MYO3A: variants seen among roughly 807,000 people sequenced by gnomAD.
MYO3A encodes myosin-IIIa.
A neutral mutation model predicts 192.7 loss-of-function variants in MYO3A; 180 were observed. The observed-to-expected ratio is 0.93, with a 90% CI of 0.83 to 1.06. The LOEUF is 1.06. Among genes scored for constraint, MYO3A ranks in the 50% least tolerant of loss-of-function variants. The pLI is 0.00. For synonymous variants in MYO3A, 628 were observed against 645.3 expected (o/e 0.97, Z 0.41); for missense variants, 1,896 against 1,905.0 (o/e 1.00, Z 0.09).
chr10:26,020,133 C>T (rs1842226371), intron 7 of MYO3A, among the ~76,000 whole-genome samples: 1 of 152,028 alleles, frequency 6.6e-6, no homozygotes, highest in Non-Finnish European at 1.5e-5. Context: ...GGTTAATGGT[C>T]TTCTTATTTG....
At chr10:26,110,215 C>T (rs549625847) in intron 17 of MYO3A, among the ~76,000 whole-genome samples, 2 of 152,272 alleles carry the variant, frequency 1.3e-5, no homozygotes, top group South Asian at 2.1e-4. Context: ...TTTGGATTGA[C>T]AAGTCAGGCT....
rs186496482 is a variant in MYO3A, at chr10:26,089,324, G to A, written c.1562+919G>A. Among the ~76,000 whole-genome samples, 383 of 152,174 alleles carry A rather than the reference G, an allele frequency of 2.5e-3. 3 individuals are homozygous for A. Among genetic ancestry groups the A allele is most frequent in the South Asian group, 7.3e-3 (35 of 4,816 alleles). ...TCAATTAAAAATATGGAAGGAGGCC[G>A]GGCACAGTGGCTCACACCTGTAATC... On this transcript the variant is annotated intron_variant, in intron 15 of 34. Transcript: ENST00000642920.
chr10:26,194,498 A>G (rs1843310326), intron 32 of MYO3A, among the ~76,000 whole-genome samples: 2 of 151,970 alleles, frequency 1.3e-5, no homozygotes, highest in African/African-American at 4.8e-5. Flanking sequence ...TCCACTCCCC[A>G]CTGCCACAGT....
At chr10:26,140,457 G>T (rs1169444086) in intron 20 of MYO3A, among the ~76,000 whole-genome samples, 3 of 152,200 alleles carry the variant, frequency 2.0e-5, no homozygotes, top group Non-Finnish European at 4.4e-5. Flanking sequence ...GCTGAGGCAG[G>T]TGGATCACCT....
At chr10:26,018,918 A>G (rs967701923) in intron 7 of MYO3A, among the ~76,000 whole-genome samples, 1 of 152,204 alleles carries the variant, frequency 6.6e-6, no homozygotes, top group Non-Finnish European at 1.5e-5. Flanking sequence ...CACTCTAGCA[A>G]ACAAAGTTAT....
chr10:26,188,086 GA>G (rs1177182235), intron 31 of MYO3A, among the ~76,000 whole-genome samples: 1 of 152,112 alleles, frequency 6.6e-6, no homozygotes, highest in Non-Finnish European at 1.5e-5. Flanking sequence ...CACAATGGTT[GA>G]ACTAGTTTAC....
At position 26,211,932 on chromosome 10, in the gene MYO3A, C is replaced by T; in HGVS notation, c.4820C>T (p.Ser1607Phe). 1 of 1,613,980 alleles carries T rather than the reference C, an allele frequency of 6.2e-7. No individual in the cohort carries two copies. Among genetic ancestry groups the T allele is most frequent in the Non-Finnish European group, 8.5e-7 (1 of 1,179,976 alleles). ...TTCAGGAGGCTCCTGCGCAAAACCT[C>T]CCAGCGCCGGCGCCTCGTCCAGCAG... ...YDFRRLLRKT[S>F]QRRRLVQQS The change falls in exon 35 of 35, where the codon TCC becomes TTC. Residue 1607 changes from serine (S) to phenylalanine (F), a missense_variant. Coordinates refer to ENST00000642920, the MANE Select transcript of MYO3A (RefSeq NM_017433.5).
At chr10:26,036,858 T>TG (rs1168535372) in intron 10 of MYO3A, among the ~76,000 whole-genome samples, 1 of 152,218 alleles carries the variant, frequency 6.6e-6, no homozygotes, top group Non-Finnish European at 1.5e-5. Context: ...ATTCTGTTCT[T>TG]GGGAATATAC....
At chr10:26,009,785 G>C (rs572400056) in intron 6 of MYO3A, among the ~76,000 whole-genome samples, 22 of 152,292 alleles carry the variant, frequency 1.4e-4, no homozygotes, top group Admixed American at 3.9e-4. Flanking sequence ...TGTAAAACAA[G>C]TATTTTGGAC....
chr10:26,188,271 T>C (rs1185439402), intron 31 of MYO3A, among the ~76,000 whole-genome samples: 1 of 152,230 alleles, frequency 6.6e-6, no homozygotes, highest in East Asian at 1.9e-4. Context: ...CATGTGTTTT[T>C]TGGCTGCATA....
intron 19 of MYO3A, among the ~76,000 whole-genome samples, chr10:26,126,872 GA>G (rs1458823980): frequency 1.3e-5 from 2 of 152,104 alleles, no homozygotes; most frequent in Admixed American, 6.6e-5. Context: ...CCAAATCTTA[GA>G]TTTTAAAATT....
At chr10:26,158,122 T>C (rs1841257043) in intron 26 of MYO3A, among the ~76,000 whole-genome samples, 1 of 152,188 alleles carries the variant, frequency 6.6e-6, no homozygotes, top group Admixed American at 6.5e-5. Context: ...GATAGGATCC[T>C]TATAATGATC....
chr10:26,209,929 T>C (rs1285617307), intron 34 of MYO3A, among the ~76,000 whole-genome samples: 1 of 151,928 alleles, frequency 6.6e-6, no homozygotes, highest in Non-Finnish European at 1.5e-5. Context: ...GATCCTGTCT[T>C]TACAAAAACA....
intron 4 of MYO3A, among the ~76,000 whole-genome samples, chr10:25,989,574 A>G (rs1839880752): frequency 6.6e-6 from 1 of 152,314 alleles, no homozygotes; most frequent in South Asian, 2.1e-4. Context: ...CATGAAGATG[A>G]TACTACCTAC....
Position 26,070,402 on chromosome 10 carries a change from G to T in MYO3A, c.1359+1G>T, listed in dbSNP as rs756836048. 23 of 1,610,780 alleles carry T rather than the reference G, an allele frequency of 1.4e-5. No homozygotes were observed. In the South Asian group the frequency reaches 2.0e-4, roughly 14 times the overall value. ...TCAGCAGCTGACAGTGCTTGGAAAG[G>T]TATAATTTATTTTTTTCTCTGTCCC... On this transcript the variant is annotated splice_donor_variant, in intron 14 of 34. Transcript: ENST00000642920. LOFTEE classifies it high-confidence loss of function.
intron 15 of MYO3A, among the ~76,000 whole-genome samples, chr10:26,096,104 C>T (rs1334476033): frequency 3.9e-5 from 6 of 152,216 alleles, no homozygotes; most frequent in Middle Eastern, 3.2e-3. Context: ...GACAGTTTTG[C>T]TCCTGCTATA....
chr10:26,019,595 C>T (rs1214436464), intron 7 of MYO3A, among the ~76,000 whole-genome samples: 2 of 152,304 alleles, frequency 1.3e-5, no homozygotes, highest in East Asian at 1.9e-4. Flanking sequence ...GGATTACAGG[C>T]GTGAGCCACT....
intron 17 of MYO3A, among the ~76,000 whole-genome samples, chr10:26,111,269 G>A (rs1365981441): frequency 1.3e-5 from 2 of 152,124 alleles, no homozygotes; most frequent in African/African-American, 4.8e-5. Flanking sequence ...TATTCCAGGT[G>A]ATATGTGGCC....
chr10:26,017,485 C>T (rs1186878899), intron 7 of MYO3A, among the ~76,000 whole-genome samples: 1 of 152,098 alleles, frequency 6.6e-6, no homozygotes, highest in Non-Finnish European at 1.5e-5. Flanking sequence ...TTATGAAGGA[C>T]CCTTATTTTT....
Sources: allele counts gnomAD v4.1 joint callset (sites outside exome capture counted in the v4.1 genomes callset), GRCh38; gene constraint gnomAD v4.1.1; transcripts MANE v1.5; gene names NCBI Gene and HGNC (gene_info 2026-07-23, HGNC 2026-07-21).